PHLDB2: variants seen among roughly 807,000 people sequenced by gnomAD.
PHLDB2 encodes the protein pleckstrin homology-like domain family B member 2.
A neutral mutation model predicts 123.6 loss-of-function variants in PHLDB2; 71 were observed. The observed-to-expected ratio is 0.57, with a 90% CI of 0.47 to 0.70. The LOEUF is 0.70. Among genes scored for constraint, PHLDB2 ranks in the 30% least tolerant of loss-of-function variants. PHLDB2 has a pLI of 0.00. For missense variants in PHLDB2, 1,446 were observed against 1,519.5 expected, an observed-to-expected ratio of 0.95 and a Z score of 0.80; for synonymous variants, 547 against 541.6, an observed-to-expected ratio of 1.01 and a Z score of -0.14.
intron 14 of PHLDB2, 44 bp downstream of exon 14, chr3:111,966,747 G>A: frequency 6.6e-7 from 1 of 1,524,636 alleles, no homozygotes; most frequent in East Asian, 2.3e-5. Flanking sequence ...ATACCGTGGT[G>A]CAGGAGCCCT....
intron 7 of PHLDB2, 64 bp downstream of exon 7, chr3:111,939,694 G>T: frequency 6.8e-7 from 1 of 1,468,926 alleles, no homozygotes. Context: ...ACATAGCTAT[G>T]ACATATGTCT....
At chr3:111,911,521 C>T (rs1441414892) in intron 2 of PHLDB2, 2 of 1,088,374 alleles carry the variant, frequency 1.8e-6, no homozygotes, top group South Asian at 1.4e-5. Context: ...CTATGTCCCC[C>T]CTGCTTCCTC....
At chr3:111,812,525 A>T (rs2061886889) in intron 1 of PHLDB2, among the ~76,000 whole-genome samples, 1 of 152,220 alleles carries the variant, frequency 6.6e-6, no homozygotes, top group Non-Finnish European at 1.5e-5. Flanking sequence ...GTGAATGAGG[A>T]GGAATTAATG....
At chr3:111,824,505 C>G (rs2062558657) in intron 1 of PHLDB2, among the ~76,000 whole-genome samples, 1 of 152,042 alleles carries the variant, frequency 6.6e-6, no homozygotes, top group Non-Finnish European at 1.5e-5. Flanking sequence ...AACGTGTGAC[C>G]CAAATCAACT....
At chr3:111,838,050 CAACAACAACAACAACAACAACAA>C (rs2108531813) in intron 1 of PHLDB2, among the ~76,000 whole-genome samples, 1 of 13,072 alleles carries the variant, frequency 7.6e-5, no homozygotes, top group South Asian at 2.2e-3. Flanking sequence ...TCAAAAATAA[CAACAACAACAACAACAACAACAA>C]ACACACATTA....
chr3:111,939,412 C>T, intron 6 of PHLDB2, 63 bp from the exon 7 acceptor site: 2 of 1,495,040 alleles, frequency 1.3e-6, no homozygotes, highest in Non-Finnish European at 1.8e-6. Context: ...ATAAATGTTT[C>T]TTCACATTAA....
At chr3:111,847,397 A>G (rs2064044682) in intron 2 of PHLDB2, among the ~76,000 whole-genome samples, 2 of 152,220 alleles carry the variant, frequency 1.3e-5, no homozygotes, top group South Asian at 4.1e-4. Flanking sequence ...ATTAGGGGAA[A>G]AAAAGACTAA....
chr3:111,795,788 G>C (rs2061131481), intron 1 of PHLDB2, among the ~76,000 whole-genome samples: 1 of 152,122 alleles, frequency 6.6e-6, no homozygotes, highest in South Asian at 2.1e-4. Context: ...GCAATGATGT[G>C]ATCTAGGCTC....
At chr3:111,926,853 T>G (rs1368895475) in intron 5 of PHLDB2, among the ~76,000 whole-genome samples, 1 of 152,230 alleles carries the variant, frequency 6.6e-6, no homozygotes, top group Non-Finnish European at 1.5e-5. Flanking sequence ...AGTAACATGT[T>G]TGATTAGAGG....
chr3:111,943,033 A>G (rs935356623), intron 8 of PHLDB2, among the ~76,000 whole-genome samples: 1 of 152,106 alleles, frequency 6.6e-6, no homozygotes, highest in East Asian at 1.9e-4. Context: ...ATTATATAAC[A>G]TAGTTACCAC....
At chr3:111,933,948 T>G (rs908691315) in intron 6 of PHLDB2, among the ~76,000 whole-genome samples, 1 of 152,182 alleles carries the variant, frequency 6.6e-6, no homozygotes, top group Non-Finnish European at 1.5e-5. Context: ...ACATAAAAAT[T>G]TATAGACTCT....
At chr3:111,846,728 C>T (rs887172021) in intron 2 of PHLDB2, among the ~76,000 whole-genome samples, 1 of 151,780 alleles carries the variant, frequency 6.6e-6, no homozygotes, top group Non-Finnish European at 1.5e-5. Flanking sequence ...AACACACATA[C>T]ACACACACAC....
chr3:111,736,200 TGAGA>T (rs2107906406), intron 1 of PHLDB2, among the ~76,000 whole-genome samples: 1 of 152,304 alleles, frequency 6.6e-6, no homozygotes, highest in Non-Finnish European at 1.5e-5. Flanking sequence ...TTTCTGAAGC[TGAGA>T]GAGAAAATTG....
chr3:111,733,940 CATGTAGGACAAGGTA>C (rs1478867664), intron 1 of PHLDB2, among the ~76,000 whole-genome samples: 1 of 152,038 alleles, frequency 6.6e-6, no homozygotes, highest in African/African-American at 2.4e-5. Flanking sequence ...GGAGTTGGGT[CATGTAGGACAAGGTA>C]ATGTTTGACA....
chr3:111,861,990 T>A (rs1239407199), intron 1 of PHLDB2, among the ~76,000 whole-genome samples: 1 of 152,034 alleles, frequency 6.6e-6, no homozygotes. Flanking sequence ...TACAGGCGCC[T>A]GCCACCACAC....
At chr3:111,962,971 A>AATG (rs2071509526) in intron 13 of PHLDB2, among the ~76,000 whole-genome samples, 1 of 151,794 alleles carries the variant, frequency 6.6e-6, no homozygotes, top group Non-Finnish European at 1.5e-5. Context: ...AAAGAAAAGG[A>AATG]ATGATTTCCA....
intron 2 of PHLDB2, 95 bp from the exon 3 acceptor site, chr3:111,913,224 C>T: frequency 7.5e-7 from 1 of 1,339,932 alleles, no homozygotes; most frequent in South Asian, 1.5e-5. Flanking sequence ...GTATGGAATG[C>T]AAGCACCAGT....
chr3:111,898,980 C>T (rs1469366684), intron 2 of PHLDB2, among the ~76,000 whole-genome samples: 1 of 152,240 alleles, frequency 6.6e-6, no homozygotes. Context: ...AATACCTCCT[C>T]TTCTGAACCA....
At chr3:111,949,678 A>G in intron 10 of PHLDB2, 1 of 960,686 alleles carries the variant, frequency 1.0e-6, no homozygotes, top group Non-Finnish European at 1.2e-6. Context: ...GGACACATAT[A>G]TACCTTTTCT....
Sources: allele counts gnomAD v4.1 joint callset (sites outside exome capture counted in the v4.1 genomes callset), GRCh38; gene constraint gnomAD v4.1.1; transcripts MANE v1.5; gene names NCBI Gene and HGNC (gene_info 2026-07-23, HGNC 2026-07-21).